The following ZNF557 variants were observed in gnomAD, a reference collection of about 807,000 sequenced individuals.
ZNF557 encodes CTB-25J19.9.
A neutral mutation model predicts 21.2 loss-of-function variants in ZNF557; 19 were observed. The observed-to-expected ratio is 0.90, with a 90% CI of 0.63 to 1.32. ZNF557 has a LOEUF of 1.32. ZNF557 is among the 40% of genes most tolerant of loss of function. ZNF557 has a pLI of 0.00. For synonymous variants in ZNF557, 207 were observed against 194.8 expected, an observed-to-expected ratio of 1.06 and a Z score of -0.52; for missense variants, 487 against 519.8, an observed-to-expected ratio of 0.94 and a Z score of 0.61.
intron 5 of ZNF557, among the ~76,000 whole-genome samples, chr19:7,077,673 T>C (rs1454881732): frequency 6.6e-6 from 1 of 152,220 alleles, no homozygotes; most frequent in Admixed American, 6.5e-5. Flanking sequence ...GTGGAACTTC[T>C]GTGTCCTGTG....
chr19:7,083,233 A>C lies in ZNF557; in HGVS notation c.782A>C (p.Glu261Ala), dbSNP rs1977756782. 6.2e-7 allele frequency: 1 copy of C among 1,614,120 alleles called. No individual in the cohort carries two copies. Among genetic ancestry groups the C allele is most frequent in the African/African-American group, 1.3e-5 (1 of 74,938 alleles). The change falls in exon 8 of 8, where the codon GAA (glutamate) becomes GCA (alanine). Residue 261 changes from glutamate to alanine, a missense_variant. Coordinates refer to ENST00000252840, the MANE Select transcript of ZNF557 (RefSeq NM_024341.3). Reference protein sequence around the residue: ...LRPHLRIHTGEKPYKCNQCFR... With the variant: ...LRPHLRIHTGAKPYKCNQCFR... ...CCGCACTTGAGAATTCACACTGGAG[A>C]AAAACCGTACAAATGTAACCAGTGT... is the stretch of plus-strand genomic sequence containing the variant.
chr19:7,078,711 G>A (rs76858360), intron 5 of ZNF557, among the ~76,000 whole-genome samples: 29 of 152,142 alleles, frequency 1.9e-4, no homozygotes, highest in African/African-American at 6.3e-4. Context: ...TAATTAGAGC[G>A]TGACCCATTG....
rs1977822323 is a variant in ZNF557, at chr19:7,085,673, G to A, written c.*1929G>A. ...TTAGGATGCCTCATCTCTTAACTGA[G>A]TGGCCACGCAGTAACTTAGAACAAA... is the stretch of plus-strand genomic sequence containing the variant. On this transcript the variant is annotated 3_prime_UTR_variant, in exon 8 of 8. Coordinates refer to ENST00000252840, the MANE Select transcript of ZNF557 (RefSeq NM_024341.3). 1 of 152,184 alleles carries A rather than the reference G, an allele frequency of 6.6e-6. No individual in the cohort carries two copies. The highest frequency in any genetic ancestry group is 6.6e-5 in the Admixed American group (1 of 15,266). The allele number at this position is 152,184 out of a possible 1,614,324, so 9.4% of individuals were successfully genotyped here. A position where few individuals can be genotyped will look rare whatever the true frequency, so the allele number is the denominator to read the frequency against.
intron 5 of ZNF557, among the ~76,000 whole-genome samples, chr19:7,081,153 GTGT>G (rs1977692018): frequency 2.1e-3 from 17 of 8,072 alleles, no homozygotes; most frequent in Non-Finnish European, 2.8e-3. Flanking sequence ...CTTGTGGGGT[GTGT>G]GTGTGTGTGT....
chr19:7,075,001 T>C lies in ZNF557; in HGVS notation c.-74T>C. On this transcript the variant is annotated 5_prime_UTR_variant, in exon 3 of 8. Coordinates refer to ENST00000252840, the MANE Select transcript of ZNF557 (RefSeq NM_024341.3). Reference sequence around the variant, plus strand: ...GTTCCCCCCATTTCTTCCAGGGTGCTGTCCTGAGAGCGCTGCGGGATAAAG... The same window carrying C: ...GTTCCCCCCATTTCTTCCAGGGTGCCGTCCTGAGAGCGCTGCGGGATAAAG... The C allele has an allele frequency of 6.2e-7, 1 of 1,611,624 alleles. No homozygotes were observed. Among genetic ancestry groups the C allele is most frequent in the Non-Finnish European group, 8.5e-7 (1 of 1,178,832 alleles).
At position 7,079,458 on chromosome 19, in the gene ZNF557, T is replaced by C. The variant is rs1347358491; in HGVS notation, c.248-1902T>C. ...GGGTTCACCGTGTTAGCCAGGATGA[T>C]CTCGATCTCCTGACCTTGTGATCCG... On this transcript the variant is annotated intron_variant, in intron 5 of 7. Coordinates refer to ENST00000252840, the MANE Select transcript of ZNF557 (RefSeq NM_024341.3). Among the ~76,000 whole-genome samples the C allele has an allele frequency of 3.4e-4, 51 of 151,956 alleles. 1 individual carries two copies. The highest frequency in any genetic ancestry group is 3.3e-3 in the Admixed American group (50 of 15,240).
chr19:7,081,437 C>A lies in ZNF557; in HGVS notation c.325C>A (p.Leu109Ile), dbSNP rs1977703603. ...AGTGATGACAGAAGAGAGAGGAATT[C>A]TCTCAGGTACCTGTCCAGGTGAGCA... is the stretch of plus-strand genomic sequence containing the variant. ...DKVMTEERGILSGTCPDVENP... is the reference protein window; with the variant it reads ...DKVMTEERGIISGTCPDVENP... Residue 109 changes from leucine (L) to isoleucine (I), a missense_variant, in exon 6 of 8, where the codon CTC becomes ATC. Coordinates refer to ENST00000252840, the MANE Select transcript of ZNF557 (RefSeq NM_024341.3). The A allele has an allele frequency of 6.2e-7, 1 of 1,613,072 alleles. No homozygotes were observed. Among genetic ancestry groups the A allele is most frequent in the Non-Finnish European group, 8.5e-7 (1 of 1,179,416 alleles).
At chr19:7,074,820 G>A (rs1487301696) in intron 2 of ZNF557, among the ~76,000 whole-genome samples, 176 bp from the exon 3 acceptor site, 3 of 100,172 alleles carry the variant, frequency 3.0e-5, no homozygotes, top group South Asian at 7.6e-4. Flanking sequence ...GGCAGGGCAC[G>A]GGCTGGAGAG....
intron 7 of ZNF557, 53 bp downstream of exon 7, chr19:7,082,105 T>A: frequency 1.4e-6 from 2 of 1,444,932 alleles, no homozygotes. Context: ...ATGCCCTACA[T>A]GAGAAAAGCC....
intron 5 of ZNF557, among the ~76,000 whole-genome samples, chr19:7,077,461 G>T (rs1977610438): frequency 6.6e-6 from 1 of 152,130 alleles, no homozygotes; most frequent in Non-Finnish European, 1.5e-5. Flanking sequence ...CAGCTGTGTT[G>T]TAGCACATAG....
At chr19:7,079,635 C>T (rs1977661819) in intron 5 of ZNF557, among the ~76,000 whole-genome samples, 1 of 152,166 alleles carries the variant, frequency 6.6e-6, no homozygotes, top group Admixed American at 6.5e-5. Flanking sequence ...GATTTCCCCC[C>T]TCCCCAAGGT....
At chr19:7,074,163 G>A (rs1196717336) in intron 2 of ZNF557, among the ~76,000 whole-genome samples, 1 of 151,858 alleles carries the variant, frequency 6.6e-6, no homozygotes, top group Non-Finnish European at 1.5e-5. Flanking sequence ...ATCACGCCCA[G>A]CTAATTTTTT....
At chr19:7,077,219 T>C (rs1254800028) in intron 5 of ZNF557, among the ~76,000 whole-genome samples, 1 of 130,354 alleles carries the variant, frequency 7.7e-6, no homozygotes, top group African/African-American at 2.9e-5. Context: ...TACTGCAGCC[T>C]CCACCTTCCA....
intron 6 of ZNF557, among the ~76,000 whole-genome samples, chr19:7,081,734 C>T (rs1437418967): frequency 6.6e-6 from 1 of 152,148 alleles, no homozygotes; most frequent in African/African-American, 2.4e-5. Flanking sequence ...CAGTTTCAGT[C>T]CACCTTGCCT....
At position 7,083,811 on chromosome 19, in the gene ZNF557, CAA is replaced by C; in HGVS notation, c.*68_*69del. 2.0e-6 allele frequency: 3 copies of C among 1,517,452 alleles called. No homozygotes were observed. The highest frequency in any genetic ancestry group is 2.7e-5 in the South Asian group (2 of 75,060). The allele number at this position is 1,517,452 out of a possible 1,614,324, so 94.0% of individuals were successfully genotyped here. A position where few individuals can be genotyped will look rare whatever the true frequency, so the allele number is the denominator to read the frequency against. On this transcript the variant is annotated 3_prime_UTR_variant, in exon 8 of 8. Transcript: ENST00000252840. ...CTCAGATAACATGAGCAAACTCTAA[CAA>C]GATGTATGAATCACCTGCTACTGTG...
At position 7,083,145 on chromosome 19, in the gene ZNF557, G is replaced by A; in HGVS notation, c.694G>A (p.Gly232Arg). 1 of 1,614,178 alleles carries A rather than the reference G, an allele frequency of 6.2e-7. No individual in the cohort carries two copies. Among genetic ancestry groups the A allele is most frequent in the Non-Finnish European group, 8.5e-7 (1 of 1,180,024 alleles). The change falls in exon 8 of 8, where the codon GGG becomes AGG. Residue 232 changes from glycine to arginine, a missense_variant. Physicochemically the swap from Gly to Arg is moderately radical, Grantham distance 125. Transcript: ENST00000252840. ...YLTVHKRIHN[G>R]EKPYECSDCG... ...TACTGTTCATAAGAGAATCCACAAT[G>A]GGGAGAAACCCTACGAATGCAGTGA... is the stretch of plus-strand genomic sequence containing the variant.
chr19:7,080,827 A>G (rs889578639), intron 5 of ZNF557, among the ~76,000 whole-genome samples: 7 of 152,164 alleles, frequency 4.6e-5, no homozygotes, highest in African/African-American at 1.4e-4. Context: ...GCCCATTTAC[A>G]TACTGTTTTT....
In ZNF557 at chr19:7,084,076, C is replaced by T. The variant is rs117266473; in HGVS notation, c.*332C>T. The T allele has an allele frequency of 0.12, 28,599 of 231,062 alleles. 2,087 individuals are homozygous for T. Among genetic ancestry groups the T allele is most frequent in the Non-Finnish European group, 0.16 (18,818 of 117,092 alleles). The allele number at this position is 231,062 out of a possible 1,614,324, so 14.3% of individuals were successfully genotyped here. A position where few individuals can be genotyped will look rare whatever the true frequency, so the allele number is the denominator to read the frequency against. ...ATGCTAGCTGTTTCCAAGGGAGCTG[C>T]GCTTCCAAATCACGTAGGCCTCTCA... On this transcript the variant is annotated 3_prime_UTR_variant, in exon 8 of 8. Transcript: ENST00000252840.
Position 7,087,353 on chromosome 19 carries a change from C to G in ZNF557, c.*3609C>G, listed in dbSNP as rs1041114975. The G allele has an allele frequency of 2.0e-5, 3 of 151,322 alleles. No homozygotes were observed. Among genetic ancestry groups the G allele is most frequent in the African/African-American group, 2.4e-5 (1 of 41,250 alleles). The allele number at this position is 151,322 out of a possible 1,614,324, so 9.4% of individuals were successfully genotyped here. A position where few individuals can be genotyped will look rare whatever the true frequency, so the allele number is the denominator to read the frequency against. ...GTGGGGAGTTCGAGACCAGCCTGAT[C>G]AACATGGAGAAAACCTGTCTCTCCT... On this transcript the variant is annotated 3_prime_UTR_variant, in exon 8 of 8. Coordinates refer to ENST00000252840, the MANE Select transcript of ZNF557 (RefSeq NM_024341.3).
Sources: gnomAD v4.1 joint callset for allele counts (sites outside exome capture counted in the v4.1 genomes callset) on GRCh38, gnomAD v4.1.1 for gene constraint, MANE v1.5 for transcripts, NCBI Gene and HGNC (gene_info 2026-07-23, HGNC 2026-07-21) for gene names.